The following TRIM51 variants were observed in gnomAD, a reference collection of about 807,000 sequenced individuals.
TRIM51 encodes the protein tripartite motif-containing protein 51.
TRIM51 carries 23 observed loss-of-function variants against 32.7 expected under a neutral mutation model. The ratio of observed to expected loss-of-function variants is 0.70; its 90% CI spans 0.51 to 1.00. TRIM51 has a LOEUF of 1.00. Ranked by LOEUF, TRIM51 falls within the 50% of genes least tolerant of loss-of-function variation. TRIM51 has a pLI of 0.00. For synonymous variants in TRIM51, 177 were observed against 181.9 expected, an observed-to-expected ratio of 0.97 and a Z score of 0.22; for missense variants, 592 against 539.2, an observed-to-expected ratio of 1.10 and a Z score of -0.97.
chr11:55,891,237 A>T lies in TRIM51; in HGVS notation c.964A>T (p.Thr322Ser). ...TGACCCTCAAGATGATCCCGATATC[A>T]CTGGAAAATCTGAATGTTTTCTTGT... ...GCDPQDDPDITGKSECFLVWG... is the reference protein window; with the variant it reads ...GCDPQDDPDISGKSECFLVWG... The change falls in exon 7 of 7, where the codon ACT (threonine) becomes TCT (serine). Residue 322 changes from threonine to serine, a missense_variant. Transcript: ENST00000449290. 2 of 1,606,754 alleles carry T rather than the reference A, an allele frequency of 1.2e-6. No homozygotes were observed. Among genetic ancestry groups the T allele is most frequent in the Non-Finnish European group, 1.7e-6 (2 of 1,179,732 alleles).
chr11:55,891,624 C>T lies in TRIM51; in HGVS notation c.1351C>T (p.His451Tyr), dbSNP rs745509740. The T allele has an allele frequency of 3.1e-6, 5 of 1,612,940 alleles. No individual in the cohort carries two copies. The highest frequency in any genetic ancestry group is 2.2e-5 in the South Asian group (2 of 91,064). Residue 451 changes from histidine (H) to tyrosine (Y), a missense_variant, in exon 7 of 7, where the codon CAC becomes TAC. Physicochemically the swap from His to Tyr is moderately conservative, Grantham distance 83. Transcript: ENST00000449290. Reference protein sequence around the residue: ...PPLRPIFCCSHF With the variant: ...PPLRPIFCCSYF ...TCTCAGGCCTATCTTTTGCTGTAGTCACTTCTGACCAGAGAAAAGTCAGAA... is the reference window on the plus strand; with the variant it reads ...TCTCAGGCCTATCTTTTGCTGTAGTTACTTCTGACCAGAGAAAAGTCAGAA...
chr11:55,884,184 C>CAT (rs1181140059), intron 1 of TRIM51, among the ~76,000 whole-genome samples: 1 of 44,050 alleles, frequency 2.3e-5, no homozygotes, highest in African/African-American at 7.2e-5. Context: ...TATATATATA[C>CAT]ACATACCAAA....
intron 6 of TRIM51, among the ~76,000 whole-genome samples, chr11:55,890,428 T>C (rs1854634365): frequency 6.6e-6 from 1 of 152,216 alleles, no homozygotes; most frequent in African/African-American, 2.4e-5. Flanking sequence ...TAGAGTTCAC[T>C]GCAGTTTGTT....
chr11:55,891,725 A>C lies in TRIM51; in HGVS notation c.*93A>C, dbSNP rs1854653547. On this transcript the variant is annotated 3_prime_UTR_variant, in exon 7 of 7. Transcript: ENST00000449290. ...CGCACCTCATCAAACAGAACAAATAAGTTATATTTAATGTCTTTAGTTGCA... is the reference window on the plus strand; with the variant it reads ...CGCACCTCATCAAACAGAACAAATACGTTATATTTAATGTCTTTAGTTGCA... 2 of 1,405,448 alleles carry C rather than the reference A, an allele frequency of 1.4e-6. No homozygotes were observed. Among genetic ancestry groups the C allele is most frequent in the Admixed American group, 2.1e-5 (1 of 48,084 alleles). 87.1% of individuals were successfully genotyped at this position (1,405,448 alleles called of 1,614,324 possible). A position where few individuals can be genotyped will look rare whatever the true frequency, so the allele number is the denominator to read the frequency against.
Position 55,885,458 on chromosome 11 carries a change from G to A in TRIM51, c.30G>A (p.Gln10=). The change falls in exon 2 of 7, where the codon CAG becomes CAA. Residue 10 remains glutamine, a synonymous_variant. Coordinates refer to ENST00000449290, the MANE Select transcript of TRIM51 (RefSeq NM_032681.4). The stretch of plus-strand genomic sequence containing the variant: ...ATTCTGGAATCTTGCAAGTCTTCCA[G>A]AGGGCACTCACCTGTCCCATCTGCA... MNSGILQVF[Q]RALTCPICMN... 5 of 1,611,864 alleles carry A rather than the reference G, an allele frequency of 3.1e-6. No individual in the cohort carries two copies. Among genetic ancestry groups the A allele is most frequent in the Non-Finnish European group, 4.2e-6 (5 of 1,179,700 alleles).
chr11:55,883,545 T>C (rs1854537128), intron 1 of TRIM51, among the ~76,000 whole-genome samples, 161 bp downstream of exon 1: 1 of 152,196 alleles, frequency 6.6e-6, no homozygotes, highest in African/African-American at 2.4e-5. Flanking sequence ...ATGAGGTTAT[T>C]GTTGTCATTT....
chr11:55,891,169 A>C lies in TRIM51; in HGVS notation c.896A>C (p.His299Pro). Residue 299 changes from histidine to proline, a missense_variant, in exon 7 of 7, where the codon CAT (histidine) becomes CCT (proline). His to Pro is a moderately conservative substitution (Grantham distance 77, BLOSUM62 -2). Transcript: ENST00000449290. ...FTLQPERANS[H>P]IFLCGDLRSM... ...CTGCAGCCTGAAAGAGCCAATAGTC[A>C]TATCTTCCTGTGTGGAGATTTGAGA... 1 of 1,601,726 alleles carries C rather than the reference A, an allele frequency of 6.2e-7. No homozygotes were observed.
chr11:55,891,217 C>A lies in TRIM51; in HGVS notation c.944C>A (p.Pro315His). ...AGAAGCATGAATGTTGGATGTGACC[C>A]TCAAGATGATCCCGATATCACTGGA... ...DLRSMNVGCD[P>H]QDDPDITGKS... The change falls in exon 7 of 7, where the codon CCT becomes CAT. Residue 315 changes from proline to histidine, a missense_variant. By Grantham distance (77) the Pro-to-His change is moderately conservative (BLOSUM62 -2). Transcript: ENST00000449290. The A allele has an allele frequency of 1.2e-6, 2 of 1,604,836 alleles. No individual in the cohort carries two copies.
chr11:55,890,018 G>C lies in TRIM51; in HGVS notation c.838G>C (p.Asp280His), dbSNP rs377284039. ...LSAGPITGLL[D>H]SLSGFRVDFT... ...TGCAGGGCCCATCACTGGACTGCTG[G>C]ACAGCCTCAGTGGATTCAGAGGTGA... is the stretch of plus-strand genomic sequence containing the variant. The change falls in exon 6 of 7, where the codon GAC (aspartate) becomes CAC (histidine). Residue 280 changes from aspartate to histidine, a missense_variant. Transcript: ENST00000449290. 1.2e-6 allele frequency: 2 copies of C among 1,613,038 alleles called. No individual in the cohort carries two copies. Among genetic ancestry groups the C allele is most frequent in the African/African-American group, 2.7e-5 (2 of 74,870 alleles).
chr11:55,891,181 G>A lies in TRIM51; in HGVS notation c.908G>A (p.Cys303Tyr), dbSNP rs1190098562. Residue 303 changes from cysteine to tyrosine, a missense_variant, in exon 7 of 7, where the codon TGT becomes TAT. Transcript: ENST00000449290. ...PERANSHIFLCGDLRSMNVGC... is the reference protein window; with the variant it reads ...PERANSHIFLYGDLRSMNVGC... ...AGAGCCAATAGTCATATCTTCCTGTGTGGAGATTTGAGAAGCATGAATGTT... is the reference window on the plus strand; with the variant it reads ...AGAGCCAATAGTCATATCTTCCTGTATGGAGATTTGAGAAGCATGAATGTT... The A allele has an allele frequency of 3.1e-6, 5 of 1,602,150 alleles. No homozygotes were observed. The highest frequency in any genetic ancestry group is 1.7e-5 in the Admixed American group (1 of 59,974).
chr11:55,884,188 T>TATATATATATATATATATATATA (rs2134531958), intron 1 of TRIM51, among the ~76,000 whole-genome samples: 1 of 135,868 alleles, frequency 7.4e-6, no homozygotes, highest in South Asian at 2.5e-4. Context: ...TATATACACA[T>TATATATATATATATATATATATA]ACCAAAAATA....
chr11:55,891,370 G>A lies in TRIM51; in HGVS notation c.1097G>A (p.Arg366Lys). Residue 366 changes from arginine (R) to lysine (K), a missense_variant, in exon 7 of 7, where the codon AGA becomes AAA. Arg to Lys is a conservative substitution (Grantham distance 26). Transcript: ENST00000449290. ...GVCNNYWKEKRQNDKIDGEEG... is the reference protein window; with the variant it reads ...GVCNNYWKEKKQNDKIDGEEG... ...TGTAACAATTATTGGAAAGAGAAGA[G>A]ACAGAATGACAAGATAGATGGAGAG... 3.1e-6 allele frequency: 5 copies of A among 1,612,126 alleles called. No individual in the cohort carries two copies. The highest frequency in any genetic ancestry group is 2.2e-5 in the South Asian group (2 of 91,076).
rs761828481 is a variant in TRIM51 at position 55,888,255 on chromosome 11, T to G, written c.731T>G (p.Leu244Arg). Residue 244 changes from leucine to arginine, a missense_variant, in exon 4 of 7, where the codon CTA (leucine) becomes CGA (arginine). Physicochemically the swap from Leu to Arg is moderately radical, Grantham distance 102. Coordinates refer to ENST00000449290, the MANE Select transcript of TRIM51 (RefSeq NM_032681.4). ...ATGTGCCATAAAGCAGATGTGGAGC[T>G]ACTCCAGGTATGGACTGACCATGGG... ...KQMCHKADVE[L>R]LQAFGDILHR... 6.2e-7 allele frequency: 1 copy of G among 1,610,712 alleles called. No individual in the cohort carries two copies.
intron 3 of TRIM51, among the ~76,000 whole-genome samples, chr11:55,887,549 G>A (rs1228231117): frequency 2.6e-5 from 4 of 152,056 alleles, no homozygotes; most frequent in African/African-American, 9.7e-5. Context: ...TTGCCGATTA[G>A]GGTGAGTTTG....
chr11:55,885,535 G>A lies in TRIM51; in HGVS notation c.107G>A (p.Arg36Gln), dbSNP rs535564292. The part of the protein sequence containing the change: ...VTIDCGHSFC[R>Q]PCLYLNWQDT... ...ATAGACTGTGGGCACAGCTTTTGCC[G>A]GCCCTGTTTGTACCTCAACTGGCAA... The change falls in exon 2 of 7, where the codon CGG becomes CAG. Residue 36 changes from arginine (R) to glutamine (Q), a missense_variant. By Grantham distance (43) the Arg-to-Gln change is conservative (BLOSUM62 1). Transcript: ENST00000449290. The A allele has an allele frequency of 3.3e-5, 53 of 1,611,960 alleles. 1 individual carries two copies. In the South Asian group the frequency reaches 4.9e-4, roughly 15 times the overall value.
chr11:55,888,937 T>C (rs1486990558), intron 4 of TRIM51, 42 bp from the exon 5 acceptor site: 14 of 1,595,220 alleles, frequency 8.8e-6, no homozygotes, highest in African/African-American at 1.3e-5. Flanking sequence ...AAGATGCATC[T>C]TGTGGAAAGC....
At chr11:55,884,764 G>C (rs149463617) in intron 1 of TRIM51, among the ~76,000 whole-genome samples, 1,746 of 152,104 alleles carry the variant, frequency 0.011, 35 homozygotes, top group African/African-American at 0.04. Flanking sequence ...ATATATTTCA[G>C]TTTTTAAAAA....
Position 55,891,377 on chromosome 11 carries a change from T to C in TRIM51, c.1104T>C (p.Asn368=). ...ATTATTGGAAAGAGAAGAGACAGAA[T>C]GACAAGATAGATGGAGAGGAGGGAC... is the stretch of plus-strand genomic sequence containing the variant. The part of the protein sequence containing the change: ...CNNYWKEKRQ[N]DKIDGEEGLF... The change falls in exon 7 of 7, where the codon AAT becomes AAC. Residue 368 remains asparagine (N), a synonymous_variant. Coordinates refer to ENST00000449290, the MANE Select transcript of TRIM51 (RefSeq NM_032681.4). 1 of 1,612,228 alleles carries C rather than the reference T, an allele frequency of 6.2e-7. No homozygotes were observed. Among genetic ancestry groups the C allele is most frequent in the Middle Eastern group, 1.7e-4 (1 of 6,056 alleles).
chr11:55,885,814 T>C lies in TRIM51; in HGVS notation c.386T>C (p.Ile129Thr), dbSNP rs568064356. The change falls in exon 2 of 7, where the codon ATT becomes ACT. Residue 129 changes from isoleucine (I) to threonine (T), a missense_variant. Ile to Thr is a moderately conservative substitution (Grantham distance 89). Transcript: ENST00000449290. ...QEHRNHIHCP[I>T]EWAAEERREE... ...CACCGGAATCACATACACTGTCCCA[T>C]TGAGTGGGCTGCTGAGGAACGCCGG... 46 of 1,611,730 alleles carry C rather than the reference T, an allele frequency of 2.9e-5. No homozygotes were observed. Among genetic ancestry groups the C allele is most frequent in the East Asian group, 2.5e-4 (11 of 44,868 alleles).
Sources: gnomAD v4.1 joint callset for allele counts (sites outside exome capture counted in the v4.1 genomes callset) on GRCh38, gnomAD v4.1.1 for gene constraint, MANE v1.5 for transcripts, NCBI Gene and HGNC (gene_info 2026-07-23, HGNC 2026-07-21) for gene names.